The following BAAT variants were observed in gnomAD, a reference collection of about 807,000 sequenced individuals.
The protein encoded by BAAT is bile acid-CoA:amino acid N-acyltransferase.
A neutral mutation model predicts 18.9 loss-of-function variants in BAAT; 13 were observed. That is an observed-to-expected ratio of 0.69 (90% CI 0.45 to 1.10). The LOEUF (loss-of-function observed/expected upper bound fraction) is 1.10. Ranked by LOEUF, BAAT falls within the 50% of genes least tolerant of loss-of-function variation. BAAT has a pLI of 0.00. For missense variants in BAAT, 489 were observed against 504.0 expected, an observed-to-expected ratio of 0.97 and a Z score of 0.28; for synonymous variants, 170 against 190.7, an observed-to-expected ratio of 0.89 and a Z score of 0.89.
intron 3 of BAAT, among the ~76,000 whole-genome samples, chr9:101,367,630 G>A (rs931918273): frequency 6.6e-6 from 1 of 152,006 alleles, no homozygotes; most frequent in Non-Finnish European, 1.5e-5. Flanking sequence ...GGGACTACAG[G>A]TGCCTGCTAC....
At position 101,362,734 on chromosome 9, in the gene BAAT, C is replaced by T. The variant is rs61756326; in HGVS notation, c.951G>A (p.Gln317=). 10,389 of 1,614,218 alleles carry T rather than the reference C, an allele frequency of 6.4e-3. 48 individuals are homozygous for T. Among genetic ancestry groups the T allele is most frequent in the Non-Finnish European group, 8.1e-3 (9,580 of 1,180,036 alleles). ...CTCCTACAATGAAGAGGAATTGCCC[C>T]TGGGCCTCTTCAATAGGAAACAAAT... is the stretch of plus-strand genomic sequence containing the variant. ...SQYLFPIEEA[Q]GQFLFIVGEG... is the part of the protein sequence containing the mutation. Residue 317 remains glutamine (Q), a synonymous_variant, in exon 4 of 4, where the codon CAG becomes CAA. Transcript: ENST00000259407.
intron 1 of BAAT, among the ~76,000 whole-genome samples, chr9:101,374,525 T>A (rs920283959): frequency 6.6e-6 from 1 of 152,140 alleles, no homozygotes; most frequent in Non-Finnish European, 1.5e-5. Context: ...AAAATATCTC[T>A]CATGAAGACA....
intron 1 of BAAT, among the ~76,000 whole-genome samples, chr9:101,384,552 C>T (rs1830175104): frequency 1.3e-5 from 2 of 152,114 alleles, no homozygotes; most frequent in Admixed American, 6.5e-5. Context: ...TGGACATTGT[C>T]TAATAAATGT....
chr9:101,369,090 T>C (rs1302003813), intron 2 of BAAT, among the ~76,000 whole-genome samples: 1 of 152,116 alleles, frequency 6.6e-6, no homozygotes, highest in Non-Finnish European at 1.5e-5. Flanking sequence ...AGTCACTCTG[T>C]ATAGGCAGCT....
At chr9:101,378,723 A>T (rs1830086222) in intron 1 of BAAT, among the ~76,000 whole-genome samples, 1 of 152,234 alleles carries the variant, frequency 6.6e-6, no homozygotes, top group Non-Finnish European at 1.5e-5. Flanking sequence ...GCCAAAATTG[A>T]CAAATGGGAT....
At chr9:101,367,417 T>C (rs1829848941) in intron 3 of BAAT, among the ~76,000 whole-genome samples, 1 of 152,004 alleles carries the variant, frequency 6.6e-6, no homozygotes, top group Non-Finnish European at 1.5e-5. Context: ...AGAAGTCAGA[T>C]CACAGAAAGT....
chr9:101,365,385 G>GA (rs138768068), intron 3 of BAAT, among the ~76,000 whole-genome samples: 176 of 146,202 alleles, frequency 1.2e-3, no homozygotes, highest in Non-Finnish European at 1.5e-3. Flanking sequence ...GGGTAAGAGG[G>GA]AAAAAAAAAA....
At chr9:101,369,704 T>C (rs1335951192) in intron 2 of BAAT, among the ~76,000 whole-genome samples, 1 of 152,202 alleles carries the variant, frequency 6.6e-6, no homozygotes, top group Non-Finnish European at 1.5e-5. Flanking sequence ...GTGGTCTATA[T>C]GCTATTTACT....
intron 2 of BAAT, 29 bp from the exon 3 acceptor site, chr9:101,368,351 T>C: frequency 6.3e-7 from 1 of 1,596,492 alleles, no homozygotes; most frequent in Non-Finnish European, 8.6e-7. Context: ...GAATTGTACA[T>C]GAAGAGAAGG....
chr9:101,376,142 A>G, intron 1 of BAAT: 1 of 158,288 alleles, frequency 6.3e-6, no homozygotes, highest in Non-Finnish European at 1.4e-5. Flanking sequence ...TTTTCTGTTT[A>G]GCTGGTTAGG....
chr9:101,383,567 C>T (rs577838868), intron 1 of BAAT: 10 of 152,218 alleles, frequency 6.6e-5, no homozygotes, highest in African/African-American at 1.9e-4. Context: ...TCAAATATGC[C>T]TTTGGAAGTA....
At chr9:101,377,252 C>T (rs1830062978) in intron 1 of BAAT, among the ~76,000 whole-genome samples, 1 of 152,144 alleles carries the variant, frequency 6.6e-6, no homozygotes, top group Non-Finnish European at 1.5e-5. Flanking sequence ...GGTTCCCCAA[C>T]ATTAAAGAGC....
In BAAT at chr9:101,371,121, T is replaced by C; in HGVS notation, c.284A>G (p.Asp95Gly). ...EKLLTRLLKR[D>G]VMNRPFQVQV... is the part of the protein sequence containing the mutation. The stretch of plus-strand genomic sequence containing the variant: ...GACCTGGAAAGGCCTATTCATCACA[T>C]CTCTTTTCAACAGTCTTGTTAATAG... Residue 95 changes from aspartate (D) to glycine (G), a missense_variant, in exon 2 of 4, where the codon GAT (aspartate) becomes GGT (glycine). Transcript: ENST00000259407. 1 of 1,614,070 alleles carries C rather than the reference T, an allele frequency of 6.2e-7. No individual in the cohort carries two copies. The highest frequency in any genetic ancestry group is 1.1e-5 in the South Asian group (1 of 91,088).
intron 1 of BAAT, among the ~76,000 whole-genome samples, chr9:101,372,287 T>C (rs1829964401): frequency 1.4e-5 from 1 of 73,508 alleles, no homozygotes; most frequent in Admixed American, 1.5e-4. Flanking sequence ...GATCCTAAAA[T>C]GAAAGTTAAA....
chr9:101,376,476 TGTCA>T (rs1830048940), intron 1 of BAAT: 1 of 153,492 alleles, frequency 6.5e-6, no homozygotes, highest in African/African-American at 2.4e-5. Context: ...CTTTCCTCCC[TGTCA>T]ATTTAGTTTG....
chr9:101,367,836 C>T (rs1033019421), intron 3 of BAAT, among the ~76,000 whole-genome samples: 9 of 152,296 alleles, frequency 5.9e-5, no homozygotes, highest in Middle Eastern at 3.4e-3. Context: ...TCTTAACTTC[C>T]AAGTACGATT....
intron 3 of BAAT, among the ~76,000 whole-genome samples, chr9:101,367,239 A>G (rs1829846473): frequency 6.6e-6 from 1 of 152,266 alleles, no homozygotes; most frequent in South Asian, 2.1e-4. Flanking sequence ...TAAAAGGCAT[A>G]TGGATTGGAA....
chr9:101,369,752 A>G (rs1361080220), intron 2 of BAAT, among the ~76,000 whole-genome samples: 1 of 152,170 alleles, frequency 6.6e-6, no homozygotes, highest in Non-Finnish European at 1.5e-5. Flanking sequence ...GAACAAGTAC[A>G]TGGGTTATGG....
In BAAT at chr9:101,362,793, T is replaced by A; in HGVS notation, c.892A>T (p.Thr298Ser). The A allele has an allele frequency of 6.2e-7, 1 of 1,614,132 alleles. No individual in the cohort carries two copies. Residue 298 changes from threonine to serine, a missense_variant, in exon 4 of 4, where the codon ACT (threonine) becomes TCT (serine). Thr to Ser is a moderately conservative substitution (Grantham distance 58). Coordinates refer to ENST00000259407, the MANE Select transcript of BAAT (RefSeq NM_001701.4). ...GCCCCAACTTGAGTTGTCTCAAAAG[T>A]GCGATAGAGCTCTAGTAACCCCAAG... is the stretch of plus-strand genomic sequence containing the variant. ...NALGLLELYR[T>S]FETTQVGASQ...
Sources: allele counts gnomAD v4.1 joint callset (sites outside exome capture counted in the v4.1 genomes callset), GRCh38; gene constraint gnomAD v4.1.1; transcripts MANE v1.5; gene names NCBI Gene and HGNC (gene_info 2026-07-23, HGNC 2026-07-21).